DYNLRB1: variants seen among roughly 807,000 people sequenced by gnomAD.
DYNLRB1 encodes dynein light chain roadblock-type 1, also known as ROBL/LC7-like 1.
In DYNLRB1, 6 loss-of-function variants were observed where a neutral mutation model predicts 13.5. The ratio of observed to expected loss-of-function variants is 0.44; its 90% CI spans 0.24 to 0.88. DYNLRB1 has a LOEUF of 0.88. Among genes scored for constraint, DYNLRB1 ranks in the 40% least tolerant of loss-of-function variants. DYNLRB1 has a pLI of 0.21. For synonymous variants in DYNLRB1, 43 were observed against 45.0 expected, an observed-to-expected ratio of 0.96 and a Z score of 0.18; for missense variants, 93 against 127.2, an observed-to-expected ratio of 0.73 and a Z score of 1.29.
chr20:34,529,708 G>A (rs771443925), intron 2 of DYNLRB1: 242 of 758,656 alleles, frequency 3.2e-4, no homozygotes, highest in South Asian at 5.5e-4. Flanking sequence ...CAGCCTGGAC[G>A]ACAAGAATGA....
At chr20:34,521,172 C>T (rs149284218) in intron 1 of DYNLRB1, among the ~76,000 whole-genome samples, 1,671 of 152,104 alleles carry the variant, frequency 0.011, 13 homozygotes, top group Non-Finnish European at 0.016. Context: ...GCCACCATGA[C>T]GGCTAATTTT....
chr20:34,521,376 A>T (rs1979702565), intron 1 of DYNLRB1, among the ~76,000 whole-genome samples: 1 of 151,636 alleles, frequency 6.6e-6, no homozygotes, highest in African/African-American at 2.4e-5. Flanking sequence ...TCTCGTAGGC[A>T]TATTTTCTAC....
chr20:34,516,286 G>A (rs1450639536), upstream of DYNLRB1: 4 of 1,078,544 alleles, frequency 3.7e-6, no homozygotes, highest in Non-Finnish European at 5.2e-6. Flanking sequence ...ACAGTGGAAA[G>A]CAGATTTTCC....
At chr20:34,526,135 T>C (rs988290027) in intron 1 of DYNLRB1, 133 bp from the exon 2 acceptor site, 5 of 927,456 alleles carry the variant, frequency 5.4e-6, no homozygotes, top group South Asian at 1.5e-5. Context: ...CTGGGGAACT[T>C]TGAGGGTGTG....
At chr20:34,529,211 G>A (rs1250487058) in intron 2 of DYNLRB1, among the ~76,000 whole-genome samples, 2 of 152,194 alleles carry the variant, frequency 1.3e-5, no homozygotes, top group Non-Finnish European at 2.9e-5. Context: ...AGACACACTT[G>A]GACATCCCAA....
intron 2 of DYNLRB1, among the ~76,000 whole-genome samples, chr20:34,527,438 C>T (rs984266574): frequency 1.3e-5 from 2 of 152,214 alleles, no homozygotes; most frequent in Non-Finnish European, 2.9e-5. Flanking sequence ...AGTACAGTAT[C>T]GTCACCATCT....
In DYNLRB1 at chr20:34,517,841, C is replaced by T. The variant is rs1226130411; in HGVS notation, c.3+1380C>T. 2.0e-5 allele frequency among the ~76,000 whole-genome samples: 3 copies of T among 151,944 alleles called. 1 individual carries two copies. The Middle Eastern group carries it at 0.01, about 517-fold the overall frequency. On this transcript the variant is annotated intron_variant, in intron 1 of 3. Transcript: ENST00000357156. ...GACGGGGTTTCACCGTGTTAGTCCG[C>T]CTCAACACGGTGGTCTCGATCTCCT...
chr20:34,529,813 T>G (rs893328088), intron 2 of DYNLRB1: 7 of 1,450,092 alleles, frequency 4.8e-6, no homozygotes, highest in Middle Eastern at 3.6e-4. Flanking sequence ...CCCAGCCCTG[T>G]CTAGTTCTGA....
chr20:34,540,160 CCCACTAAAT>C (rs1252846983), intron 3 of DYNLRB1, among the ~76,000 whole-genome samples: 11 of 152,212 alleles, frequency 7.2e-5, no homozygotes, highest in African/African-American at 2.7e-4. Flanking sequence ...TTGCCCCAGC[CCCACTAAAT>C]GATGGTTCTG....
chr20:34,516,646 C>G (rs537545407), intron 1 of DYNLRB1, 185 bp downstream of exon 1: 2 of 1,476,298 alleles, frequency 1.4e-6, no homozygotes, highest in African/African-American at 2.9e-5. Context: ...TAAAGCCTGA[C>G]CGAGGCGGGG....
intron 2 of DYNLRB1, chr20:34,530,453 G>A (rs1246436284): frequency 4.6e-6 from 1 of 216,734 alleles, no homozygotes; most frequent in Non-Finnish European, 7.9e-6. Flanking sequence ...ATAGTGCCTG[G>A]CATGAAATGC....
In DYNLRB1 at chr20:34,530,476, CAGTT is replaced by C. The variant is rs542754657; in HGVS notation, c.79+4137_79+4140del. The stretch of plus-strand genomic sequence containing the variant: ...TGGCATGAAATGCCTATGAATGTCT[CAGTT>C]AGTGTGTGTGTGTCTTTAACTTGCG... On this transcript the variant is annotated intron_variant, in intron 2 of 3. Transcript: ENST00000357156. 3.7e-4 allele frequency: 65 copies of C among 176,014 alleles called. 2 individuals carry two copies. The South Asian group carries it at 0.011, about 31-fold the overall frequency. The allele number at this position is 176,014 out of a possible 1,614,324, so 10.9% of individuals were successfully genotyped here.
chr20:34,516,749 C>A lies in DYNLRB1; in HGVS notation c.3+288C>A. The A allele has an allele frequency of 1.9e-6, 3 of 1,549,108 alleles. No individual in the cohort carries two copies. In the South Asian group the frequency reaches 3.6e-5, roughly 18 times the overall value. On this transcript the variant is annotated intron_variant, in intron 1 of 3. Transcript: ENST00000357156. ...GAGGGGTGGGCGGCGGCCCTGCAGC[C>A]TAGAGTTTTGGGGCCTTGGTGCGCG...
intron 2 of DYNLRB1, chr20:34,529,779 C>A: frequency 7.9e-7 from 1 of 1,259,220 alleles, no homozygotes; most frequent in Non-Finnish European, 1.0e-6. Context: ...CCCTGGCAAG[C>A]ACAGAGCTAG....
intron 3 of DYNLRB1, chr20:34,535,652 G>A: frequency 1.0e-6 from 1 of 985,352 alleles, no homozygotes; most frequent in Non-Finnish European, 1.2e-6. Context: ...ACATAGTTGA[G>A]TGTGCGTGCG....
chr20:34,540,522 TTG>T, intron 3 of DYNLRB1, 57 bp from the exon 4 acceptor site: 1 of 1,513,186 alleles, frequency 6.6e-7, no homozygotes, highest in Non-Finnish European at 9.1e-7. Context: ...ATTTGCTTTC[TTG>T]TGTGTTTTTC....
intron 1 of DYNLRB1, among the ~76,000 whole-genome samples, chr20:34,525,971 TG>T (rs936844043): frequency 8.5e-5 from 13 of 152,182 alleles, no homozygotes; most frequent in African/African-American, 3.1e-4. Context: ...TGTATATACA[TG>T]GGAATGGTGT....
chr20:34,533,497 G>A (rs1294815067), intron 2 of DYNLRB1: 1 of 985,338 alleles, frequency 1.0e-6, no homozygotes, highest in Non-Finnish European at 1.2e-6. Context: ...CCCAGCACAA[G>A]CTGACTTTTT....
At chr20:34,516,408 G>A, upstream of DYNLRB1, 2 of 1,608,740 alleles carry the variant, frequency 1.2e-6, no homozygotes, top group Non-Finnish European at 8.5e-7. Flanking sequence ...GCGCAGAAAG[G>A]CACAGGACTC....
Sources: gnomAD v4.1 joint callset for allele counts (sites outside exome capture counted in the v4.1 genomes callset) on GRCh38, gnomAD v4.1.1 for gene constraint, MANE v1.5 for transcripts, NCBI Gene and HGNC (gene_info 2026-07-23, HGNC 2026-07-21) for gene names.